Variants in HPN observed in about 807,000 individuals in gnomAD.
The protein encoded by HPN is serine protease hepsin.
A neutral mutation model predicts 55.9 loss-of-function variants in HPN; 13 were observed. The ratio of observed to expected loss-of-function variants is 0.23; its 90% CI spans 0.15 to 0.37. HPN has a LOEUF of 0.37. Ranked by LOEUF, HPN falls within the 10% of genes least tolerant of loss-of-function variation. The probability of loss-of-function intolerance (pLI) is 1.00; values close to 1 mark genes in which losing one functional copy is unlikely to be tolerated. For missense variants in HPN, 451 were observed against 575.8 expected (o/e 0.78, Z 2.22); for synonymous variants, 225 against 240.3 (o/e 0.94, Z 0.59).
Position 35,050,589 on chromosome 19 carries a change from G to A in HPN, c.160+1073G>A. ...TAAATAGATAAAGAAACTAACTGTG[G>A]GATGAATGAATGAATCTTCCCAAAT... is the stretch of plus-strand genomic sequence containing the variant. On this transcript the variant is annotated intron_variant, in intron 4 of 12. Transcript: ENST00000672452. 3.4e-6 allele frequency: 4 copies of A among 1,170,192 alleles called. No individual in the cohort carries two copies. In the South Asian group the frequency reaches 5.3e-5, roughly 15 times the overall value. 72.5% of individuals were successfully genotyped at this position (1,170,192 alleles called of 1,614,324 possible).
At position 35,060,126 on chromosome 19, in the gene HPN, C is replaced by T. The variant is rs1233561771; in HGVS notation, c.414-3C>T. ...TCTGTGTCTCCAATCCCATCTCTCC[C>T]AGTGATTGCCCCAGAGGCCGTTTCT... is the stretch of plus-strand genomic sequence containing the variant. On this transcript the variant is annotated splice_region_variant and splice_polypyrimidine_tract_variant and intron_variant, in intron 6 of 12. Coordinates refer to ENST00000672452, the MANE Select transcript of HPN (RefSeq NM_001384133.1). 6.8e-6 allele frequency: 11 copies of T among 1,614,058 alleles called. No homozygotes were observed. The highest frequency in any genetic ancestry group is 9.3e-6 in the Non-Finnish European group (11 of 1,180,030).
upstream of HPN, among the ~76,000 whole-genome samples, chr19:35,041,244 G>C (rs1030563030): frequency 6.6e-6 from 1 of 152,196 alleles, no homozygotes; most frequent in Non-Finnish European, 1.5e-5. Flanking sequence ...GGAAGCCAGC[G>C]GGGGAGGGGC....
At chr19:35,051,684 TA>T (rs35713084) in intron 4 of HPN, among the ~76,000 whole-genome samples, 73,850 of 144,352 alleles carry the variant, frequency 0.51, 19,652 homozygotes, top group East Asian at 0.66. Flanking sequence ...GATTGCTTGT[TA>T]AAAAAAAAAA....
In HPN at chr19:35,042,436, C is replaced by A; in HGVS notation, c.-54-17C>A. 1.1e-5 allele frequency: 17 copies of A among 1,557,426 alleles called. No individual in the cohort carries two copies. Among genetic ancestry groups the A allele is most frequent in the Non-Finnish European group, 1.5e-5 (17 of 1,151,074 alleles). The stretch of plus-strand genomic sequence containing the variant: ...TGGGCTCCCCCAGGCCCTGCCTCCC[C>A]GTCCATCTCCTCACAGGTCCCACCC... On this transcript the variant is annotated splice_polypyrimidine_tract_variant and intron_variant, in intron 1 of 12. Transcript: ENST00000672452.
upstream of HPN, chr19:35,041,688 TC>T: frequency 1.6e-6 from 1 of 638,104 alleles, no homozygotes; most frequent in Non-Finnish European, 2.0e-6. Flanking sequence ...CCCCGCCCCT[TC>T]ACCCGCCCCT....
At chr19:35,040,795 G>T (rs747481529), upstream of HPN, among the ~76,000 whole-genome samples, 3 of 152,208 alleles carry the variant, frequency 2.0e-5, no homozygotes, top group Non-Finnish European at 4.4e-5. Flanking sequence ...AGGAAGCCAG[G>T]CTAAACCAGC....
chr19:35,043,332 G>A (rs896143526), intron 2 of HPN, among the ~76,000 whole-genome samples: 1 of 152,176 alleles, frequency 6.6e-6, no homozygotes, highest in African/African-American at 2.4e-5. Context: ...TCTCACACAT[G>A]GGACCCAGCT....
At chr19:35,061,054 C>T (rs1260514733) in intron 9 of HPN, among the ~76,000 whole-genome samples, 3 of 152,174 alleles carry the variant, frequency 2.0e-5, no homozygotes, top group Non-Finnish European at 4.4e-5. Context: ...CCAACACTTC[C>T]ACTCCCAGGA....
intron 4 of HPN, chr19:35,050,530 G>T (rs1364148860): frequency 7.8e-7 from 1 of 1,288,388 alleles, no homozygotes; most frequent in South Asian, 1.2e-5. Context: ...CTGTAAGTGT[G>T]TCTGCAGGCA....
intron 9 of HPN, among the ~76,000 whole-genome samples, chr19:35,062,869 C>T (rs990681477): frequency 4.7e-5 from 7 of 148,516 alleles, no homozygotes; most frequent in African/African-American, 1.7e-4. Flanking sequence ...GTTGATAGAG[C>T]GAGACCCTGT....
At chr19:35,061,231 C>T (rs1378521170) in intron 9 of HPN, among the ~76,000 whole-genome samples, 2 of 152,182 alleles carry the variant, frequency 1.3e-5, no homozygotes, top group African/African-American at 2.4e-5. Context: ...GGCGCGGTGG[C>T]TCATGCCTGT....
intron 4 of HPN, among the ~76,000 whole-genome samples, chr19:35,049,794 A>C (rs2064384222): frequency 6.6e-6 from 1 of 152,128 alleles, no homozygotes; most frequent in African/African-American, 2.4e-5. Flanking sequence ...TTAAGTATGA[A>C]ATAGATTCGA....
Position 35,063,316 on chromosome 19 carries a change from T to C in HPN, c.812-1934T>C, listed in dbSNP as rs117362352. On this transcript the variant is annotated intron_variant, in intron 9 of 12. Coordinates refer to ENST00000672452, the MANE Select transcript of HPN (RefSeq NM_001384133.1). The stretch of plus-strand genomic sequence containing the variant: ...TGTGGTGACGGAGAATCCAGGGCCA[T>C]GTTGGGGTTGGCATTATGTTTATTT... 4.4e-3 allele frequency among the ~76,000 whole-genome samples: 675 copies of C among 152,360 alleles called. 8 individuals are homozygous for C. The highest frequency in any genetic ancestry group is 0.01 in the Admixed American group (155 of 15,310).
intron 4 of HPN, among the ~76,000 whole-genome samples, chr19:35,051,828 C>T (rs1435468964): frequency 6.6e-6 from 1 of 152,162 alleles, no homozygotes; most frequent in East Asian, 1.9e-4. Context: ...AAATTGAGTC[C>T]CAGTGAAGCA....
At chr19:35,063,434 C>T (rs1421370210) in intron 9 of HPN, among the ~76,000 whole-genome samples, 2 of 152,232 alleles carry the variant, frequency 1.3e-5, no homozygotes, top group African/African-American at 4.8e-5. Flanking sequence ...CCTGTCCTGA[C>T]ATGGTGGCTC....
intron 7 of HPN, 27 bp from the exon 8 acceptor site, chr19:35,060,320 C>T (rs775162767): frequency 1.6e-5 from 25 of 1,602,792 alleles, no homozygotes; most frequent in African/African-American, 5.4e-5. Context: ...CCCCTGTCGC[C>T]GCCCCCTGCT....
intron 1 of HPN, 165 bp downstream of exon 1, chr19:35,042,037 T>A: frequency 8.7e-7 from 1 of 1,150,002 alleles, no homozygotes; most frequent in Non-Finnish European, 1.1e-6. Flanking sequence ...GTCCTGCTCT[T>A]CCTTCAGACT....
At chr19:35,060,988 A>G (rs1333637760) in intron 9 of HPN, among the ~76,000 whole-genome samples, 171 bp downstream of exon 9, 3 of 152,232 alleles carry the variant, frequency 2.0e-5, no homozygotes, top group African/African-American at 7.2e-5. Flanking sequence ...AGTGCAGCCA[A>G]TTTGGAAAAT....
At chr19:35,040,902 G>A (rs753977909), upstream of HPN, among the ~76,000 whole-genome samples, 1 of 152,192 alleles carries the variant, frequency 6.6e-6, no homozygotes, top group Non-Finnish European at 1.5e-5. Flanking sequence ...AAGCGGGTGG[G>A]GCCGGTTGTG....
Sources: gnomAD v4.1 joint callset for allele counts (sites outside exome capture counted in the v4.1 genomes callset) on GRCh38, gnomAD v4.1.1 for gene constraint, MANE v1.5 for transcripts, NCBI Gene and HGNC (gene_info 2026-07-23, HGNC 2026-07-21) for gene names.